SOX6: variants seen among roughly 807,000 people sequenced by gnomAD.
SOX6 encodes the protein transcription factor SOX-6.
SOX6 carries 11 observed loss-of-function variants against 97.8 expected under a neutral mutation model. The ratio of observed to expected loss-of-function variants is 0.11; its 90% CI spans 0.07 to 0.19. The LOEUF (loss-of-function observed/expected upper bound fraction) is 0.19. Ranked by LOEUF, SOX6 falls within the 10% of genes least tolerant of loss-of-function variation. The pLI is 1.00. For missense variants in SOX6, 810 were observed against 1,039.5 expected (o/e 0.78, Z 3.04); for synonymous variants, 360 against 371.4 (o/e 0.97, Z 0.35).
chr11:16,322,580 T>A (rs297357), intron 2 of SOX6, among the ~76,000 whole-genome samples: 1 of 151,926 alleles, frequency 6.6e-6, no homozygotes, highest in Non-Finnish European at 1.5e-5. Context: ...TGCATGTCAC[T>A]GCAGCACTGC....
chr11:16,143,659 C>G (rs1197091775), intron 6 of SOX6, among the ~76,000 whole-genome samples: 4 of 152,052 alleles, frequency 2.6e-5, no homozygotes, highest in Non-Finnish European at 5.9e-5. Context: ...GGAGGAAGAT[C>G]TACCAAGCAA....
intron 13 of SOX6, among the ~76,000 whole-genome samples, chr11:15,998,481 G>C (rs1442110095): frequency 1.9e-5 from 2 of 106,300 alleles, no homozygotes. Context: ...ACTCAATATT[G>C]TTACAATGTG....
At chr11:16,248,168 C>G (rs749816980) in intron 3 of SOX6, among the ~76,000 whole-genome samples, 18 of 152,172 alleles carry the variant, frequency 1.2e-4, no homozygotes, top group South Asian at 4.1e-4. Flanking sequence ...CTTCCATGGC[C>G]TTGGACAACT....
At position 16,144,112 on chromosome 11, in the gene SOX6, C is replaced by T. The variant is rs544966906; in HGVS notation, c.778-32189G>A. Reference sequence around the variant, plus strand: ...CCACATAGTTGGAAGTAAAGCACTCCGCAGCAAATGTAAAAGAACAGAAAT... The same window carrying T: ...CCACATAGTTGGAAGTAAAGCACTCTGCAGCAAATGTAAAAGAACAGAAAT... On this transcript the variant is annotated intron_variant, in intron 6 of 15. Transcript: ENST00000683767. Among the ~76,000 whole-genome samples the T allele has an allele frequency of 1.1e-4, 17 of 152,228 alleles. No individual in the cohort carries two copies. In the South Asian group the frequency reaches 1.7e-3, roughly 15 times the overall value.
chr11:16,188,712 C>G (rs1360569684), intron 4 of SOX6, among the ~76,000 whole-genome samples: 12 of 152,076 alleles, frequency 7.9e-5, no homozygotes, highest in African/African-American at 2.9e-4. Flanking sequence ...GAACTAAGGA[C>G]AGCATGGCAA....
chr11:16,704,967 T>C (rs903505498), intron 3 of SOX6, among the ~76,000 whole-genome samples: 1 of 152,110 alleles, frequency 6.6e-6, no homozygotes, highest in Non-Finnish European at 1.5e-5. Flanking sequence ...TAAAAGAAAC[T>C]AGGCATCAGG....
Position 16,096,124 on chromosome 11 carries a change from T to C in SOX6, c.979-6A>G, listed in dbSNP as rs1848788715. 2 of 1,610,068 alleles carry C rather than the reference T, an allele frequency of 1.2e-6. No individual in the cohort carries two copies. The highest frequency in any genetic ancestry group is 2.2e-5 in the East Asian group (1 of 44,756). On this transcript the variant is annotated splice_region_variant and splice_polypyrimidine_tract_variant and intron_variant, in intron 8 of 15. Coordinates refer to ENST00000683767, the MANE Select transcript of SOX6 (RefSeq NM_001367873.1). ...GGGTGGGAGACATGACCCTTCTGTT[T>C]AGTAGCATATTCAGAAAAAAAAAAA...
At chr11:15,979,363 T>G (rs1853596563) in intron 15 of SOX6, among the ~76,000 whole-genome samples, 1 of 151,818 alleles carries the variant, frequency 6.6e-6, no homozygotes, top group Admixed American at 6.6e-5. Context: ...TCAACTCCAA[T>G]CTGGTTTATT....
chr11:16,093,684 T>C (rs2133970911), intron 9 of SOX6, among the ~76,000 whole-genome samples: 1 of 152,112 alleles, frequency 6.6e-6, no homozygotes, highest in South Asian at 2.1e-4. Context: ...ATTGTAATGC[T>C]TTCTAAGTAG....
chr11:16,443,742 C>T (rs754823291), intron 1 of SOX6, among the ~76,000 whole-genome samples: 10 of 151,988 alleles, frequency 6.6e-5, no homozygotes, highest in East Asian at 1.9e-4. Context: ...GGACTGGGCA[C>T]GGTGGATCAT....
chr11:16,149,111 G>C (rs904991260), intron 6 of SOX6, among the ~76,000 whole-genome samples: 1 of 152,110 alleles, frequency 6.6e-6, no homozygotes, highest in Non-Finnish European at 1.5e-5. Flanking sequence ...ATGTGTGCAA[G>C]TATACTACAC....
At chr11:16,281,395 T>C (rs1364342026) in intron 3 of SOX6, among the ~76,000 whole-genome samples, 3 of 152,026 alleles carry the variant, frequency 2.0e-5, no homozygotes, top group Non-Finnish European at 4.4e-5. Context: ...TGAATTACCA[T>C]TGAAGATATG....
intron 1 of SOX6, among the ~76,000 whole-genome samples, chr11:16,363,356 T>A (rs1857258574): frequency 2.0e-5 from 3 of 152,160 alleles, no homozygotes; most frequent in Admixed American, 2.0e-4. Context: ...TCTGACACAA[T>A]GGTCAAAAGA....
At chr11:16,046,738 G>A in intron 11 of SOX6, 37 bp from the exon 12 acceptor site, 1 of 1,597,788 alleles carries the variant, frequency 6.3e-7, no homozygotes, top group Non-Finnish European at 8.6e-7. Flanking sequence ...TGCTTGTGAG[G>A]TCAGACTCCT....
chr11:16,672,123 G>C (rs374934701), intron 3 of SOX6, among the ~76,000 whole-genome samples: 1 of 152,172 alleles, frequency 6.6e-6, no homozygotes, highest in East Asian at 1.9e-4. Flanking sequence ...CCATCAGACC[G>C]GCCTTACAAG....
chr11:16,472,795 T>G (rs1860162217), intron 1 of SOX6, among the ~76,000 whole-genome samples: 1 of 152,116 alleles, frequency 6.6e-6, no homozygotes, highest in South Asian at 2.1e-4. Context: ...AAACTCTAAT[T>G]TATAACATTA....
intron 1 of SOX6, among the ~76,000 whole-genome samples, chr11:16,362,569 G>A (rs542006469): frequency 7.9e-5 from 12 of 152,136 alleles, no homozygotes; most frequent in Admixed American, 3.3e-4. Context: ...TTCTCTAGAG[G>A]AAAATATAAT....
intron 3 of SOX6, chr11:16,314,935 G>C (rs1163753465): frequency 6.6e-6 from 1 of 152,086 alleles, no homozygotes; most frequent in Non-Finnish European, 1.5e-5. Context: ...TTTACTGGTT[G>C]TTTGTTTGTT....
chr11:16,184,548 T>C (rs1231973150), intron 5 of SOX6, among the ~76,000 whole-genome samples: 1 of 152,172 alleles, frequency 6.6e-6, no homozygotes, highest in African/African-American at 2.4e-5. Flanking sequence ...CATTTATCCA[T>C]TTATCCTTTT....
Sources: allele counts gnomAD v4.1 joint callset (sites outside exome capture counted in the v4.1 genomes callset), GRCh38; gene constraint gnomAD v4.1.1; transcripts MANE v1.5; gene names NCBI Gene and HGNC (gene_info 2026-07-23, HGNC 2026-07-21).